SWT1: variants seen among roughly 807,000 people sequenced by gnomAD.
SWT1 encodes transcriptional protein SWT1.
A neutral mutation model predicts 107.3 loss-of-function variants in SWT1; 33 were observed. The ratio of observed to expected loss-of-function variants is 0.31; its 90% CI spans 0.23 to 0.41. The LOEUF is 0.41. SWT1 is among the 10% of genes least tolerant of loss of function. SWT1 has a pLI of 1.00. For synonymous variants in SWT1, 345 were observed against 348.3 expected (o/e 0.99, Z 0.11); for missense variants, 898 against 1,028.9 (o/e 0.87, Z 1.74).
chr1:185,272,513 A>G (rs1199266833), intron 17 of SWT1, among the ~76,000 whole-genome samples: 1 of 152,146 alleles, frequency 6.6e-6, no homozygotes, highest in African/African-American at 2.4e-5. Flanking sequence ...CACATCTTCC[A>G]TTAAGAACCC....
intron 16 of SWT1, among the ~76,000 whole-genome samples, chr1:185,271,001 G>T (rs770593840): frequency 1.6e-4 from 24 of 152,176 alleles, no homozygotes; most frequent in Non-Finnish European, 3.2e-4. Flanking sequence ...TCACATTTCT[G>T]TCTACTTTTT....
intron 16 of SWT1, among the ~76,000 whole-genome samples, chr1:185,270,740 C>A (rs1490653764): frequency 1.3e-5 from 2 of 151,990 alleles, no homozygotes; most frequent in Non-Finnish European, 2.9e-5. Flanking sequence ...TGTTTTATTT[C>A]TGTGTTTGTC....
chr1:185,195,031 G>A lies in SWT1; in HGVS notation c.1523+4389G>A, dbSNP rs1287952884. 2.0e-5 allele frequency among the ~76,000 whole-genome samples: 3 copies of A among 152,058 alleles called. No individual in the cohort carries two copies. In the East Asian group the frequency reaches 5.8e-4, roughly 29 times the overall value. On this transcript the variant is annotated intron_variant, in intron 10 of 18. Transcript: ENST00000367500. The stretch of plus-strand genomic sequence containing the variant: ...ATTATTATTATACTTTCAGTTCTGG[G>A]ATACATATGCAGAACGTGCAGGTTT...
intron 16 of SWT1, among the ~76,000 whole-genome samples, chr1:185,238,325 A>G (rs1455420845): frequency 1.3e-5 from 2 of 152,146 alleles, no homozygotes; most frequent in South Asian, 2.1e-4. Flanking sequence ...CTCAGTGTTC[A>G]TAAAACAGCC....
At chr1:185,244,291 G>A (rs1661451212) in intron 16 of SWT1, among the ~76,000 whole-genome samples, 1 of 152,006 alleles carries the variant, frequency 6.6e-6, no homozygotes, top group African/African-American at 2.4e-5. Context: ...GCATTATAGA[G>A]TGTATTTACA....
chr1:185,229,179 G>A (rs1335819489), intron 15 of SWT1, among the ~76,000 whole-genome samples: 1 of 152,180 alleles, frequency 6.6e-6, no homozygotes, highest in Non-Finnish European at 1.5e-5. Flanking sequence ...ACCGGTTTAG[G>A]TGTGTACTGT....
chr1:185,274,369 T>C (rs976046755), intron 17 of SWT1, among the ~76,000 whole-genome samples: 6 of 150,220 alleles, frequency 4.0e-5, no homozygotes, highest in Middle Eastern at 7.0e-3. Flanking sequence ...CATGACCCAC[T>C]AGATCCTTGA....
chr1:185,228,898 G>A (rs1660292900), intron 15 of SWT1, among the ~76,000 whole-genome samples: 1 of 152,196 alleles, frequency 6.6e-6, no homozygotes, highest in Non-Finnish European at 1.5e-5. Flanking sequence ...GAAAGAACAT[G>A]TCTATATACA....
chr1:185,202,761 G>A lies in SWT1; in HGVS notation c.1631G>A (p.Cys544Tyr), dbSNP rs775406351. The change falls in exon 11 of 19, where the codon TGT (cysteine) becomes TAT (tyrosine). Residue 544 changes from cysteine to tyrosine, a missense_variant. This residue lies in a region of SWT1 where 382 missense variants were observed against 460.0 expected (regional missense o/e 0.83). Transcript: ENST00000367500. ...LLHLSLNTDV[C>Y]HQPCIPKQQL... ...CACTTATCTCTGAACACAGATGTGT[G>A]TCATCAGCCTTGTATTCCTAAGCAA... The A allele has an allele frequency of 1.3e-6, 2 of 1,586,988 alleles. No homozygotes were observed. The highest frequency in any genetic ancestry group is 8.6e-7 in the Non-Finnish European group (1 of 1,166,124).
intron 2 of SWT1, 84 bp from the exon 3 acceptor site, chr1:185,166,488 G>A (rs1654579571): frequency 3.7e-6 from 3 of 819,494 alleles, no homozygotes; most frequent in African/African-American, 3.5e-5. Flanking sequence ...ATGTTGATTT[G>A]TAATACTAGT....
intron 15 of SWT1, chr1:185,226,997 G>A (rs1213373269): frequency 1.5e-5 from 13 of 882,348 alleles, no homozygotes; most frequent in Admixed American, 3.5e-5. Flanking sequence ...CCTCCATCAT[G>A]TCTGGAGTTA....
chr1:185,195,607 C>A (rs1315401679), intron 10 of SWT1, among the ~76,000 whole-genome samples: 1 of 152,184 alleles, frequency 6.6e-6, no homozygotes, highest in East Asian at 1.9e-4. Context: ...AATTTACACT[C>A]CCACCAACAG....
intron 16 of SWT1, among the ~76,000 whole-genome samples, chr1:185,265,790 A>G (rs775415049): frequency 1.5e-4 from 23 of 152,232 alleles, no homozygotes; most frequent in Non-Finnish European, 2.5e-4. Flanking sequence ...CTCAATAACA[A>G]TGTAAGTGGT....
At chr1:185,192,860 C>G (rs891117682) in intron 10 of SWT1, among the ~76,000 whole-genome samples, 3 of 152,040 alleles carry the variant, frequency 2.0e-5, no homozygotes, top group Admixed American at 2.0e-4. Context: ...ATCGGTCAGG[C>G]TGGTCTCAAA....
intron 9 of SWT1, among the ~76,000 whole-genome samples, chr1:185,186,039 A>G (rs776516081): frequency 9.2e-5 from 14 of 152,156 alleles, no homozygotes; most frequent in Admixed American, 7.2e-4. Context: ...GGTTTATAGC[A>G]TAACCCGGGG....
In SWT1 at chr1:185,291,779, G is replaced by A. The variant is rs931201698; in HGVS notation, c.*976G>A. ...TCTGCAATAAAAGAGAACTTGTTCAGGATATTCACTAGTTGGTGTAGAACC... is the reference window on the plus strand; with the variant it reads ...TCTGCAATAAAAGAGAACTTGTTCAAGATATTCACTAGTTGGTGTAGAACC... On this transcript the variant is annotated 3_prime_UTR_variant, in exon 19 of 19. Transcript: ENST00000367500. The A allele has an allele frequency of 1.3e-4, 20 of 152,430 alleles. No homozygotes were observed. Among genetic ancestry groups the A allele is most frequent in the African/African-American group, 4.8e-4 (20 of 41,430 alleles). 9.4% of individuals were successfully genotyped at this position (152,430 alleles called of 1,614,324 possible).
intron 16 of SWT1, chr1:185,257,777 T>G (rs1193397673): frequency 6.5e-6 from 1 of 152,702 alleles, no homozygotes; most frequent in Non-Finnish European, 1.5e-5. Flanking sequence ...ACCAGAGCTG[T>G]TCCTATTCGG....
chr1:185,282,980 T>C (rs1664730406), intron 18 of SWT1, among the ~76,000 whole-genome samples: 1 of 152,188 alleles, frequency 6.6e-6, no homozygotes, highest in Non-Finnish European at 1.5e-5. Flanking sequence ...GGAAACATTT[T>C]ACTTATATTT....
At chr1:185,164,147 G>A (rs1654384650) in intron 2 of SWT1, among the ~76,000 whole-genome samples, 1 of 151,984 alleles carries the variant, frequency 6.6e-6, no homozygotes, top group African/African-American at 2.4e-5. Flanking sequence ...TGCATTACCA[G>A]TGAGCAGTAA....
Sources: gnomAD v4.1 joint callset for allele counts (sites outside exome capture counted in the v4.1 genomes callset) on GRCh38, gnomAD v4.1.1 for gene constraint, gnomAD v4.1.1 regional missense constraint, MANE v1.5 for transcripts, NCBI Gene and HGNC (gene_info 2026-07-23, HGNC 2026-07-21) for gene names.